Variants in FMNL2 observed in about 807,000 individuals in gnomAD.
FMNL2 encodes formin like 2, also known as formin-like protein 2.
A neutral mutation model predicts 130.2 loss-of-function variants in FMNL2; 51 were observed. The observed-to-expected ratio is 0.39, with a 90% CI of 0.31 to 0.49. FMNL2 has a LOEUF of 0.49. Among genes scored for constraint, FMNL2 ranks in the 20% least tolerant of loss-of-function variants. The pLI is 0.85. For synonymous variants in FMNL2, 465 were observed against 467.1 expected, an observed-to-expected ratio of 1.00 and a Z score of 0.06; for missense variants, 977 against 1,316.2, an observed-to-expected ratio of 0.74 and a Z score of 3.99.
At chr2:152,615,114 A>G in intron 12 of FMNL2, 114 bp downstream of exon 12, 1 of 1,122,152 alleles carries the variant, frequency 8.9e-7, no homozygotes, top group Non-Finnish European at 1.3e-6. Context: ...GGAATAGGCC[A>G]TACCCTGCAA....
chr2:152,612,816 C>G (rs1698754388), intron 11 of FMNL2, among the ~76,000 whole-genome samples: 1 of 151,850 alleles, frequency 6.6e-6, no homozygotes, highest in African/African-American at 2.4e-5. Context: ...ACCATGTTGG[C>G]TAGGCTAGTC....
intron 1 of FMNL2, among the ~76,000 whole-genome samples, chr2:152,450,724 C>T (rs1298369229): frequency 6.6e-6 from 1 of 152,210 alleles, no homozygotes; most frequent in Non-Finnish European, 1.5e-5. Flanking sequence ...CTCCTGCTGT[C>T]TGACCTCCCA....
intron 1 of FMNL2, among the ~76,000 whole-genome samples, chr2:152,377,865 C>T (rs1027898857): frequency 2.1e-4 from 32 of 152,126 alleles, no homozygotes; most frequent in African/African-American, 7.0e-4. Flanking sequence ...GGTGTGGTGG[C>T]TTACGCCTGT....
chr2:152,429,636 A>G (rs527961070), intron 1 of FMNL2, among the ~76,000 whole-genome samples: 3 of 150,508 alleles, frequency 2.0e-5, no homozygotes, highest in African/African-American at 7.3e-5. Context: ...TTTCCCTTCT[A>G]AGACTTCTGT....
chr2:152,527,493 A>G (rs1194831239), intron 2 of FMNL2, among the ~76,000 whole-genome samples: 1 of 152,200 alleles, frequency 6.6e-6, no homozygotes, highest in Non-Finnish European at 1.5e-5. Context: ...CTATTAATAC[A>G]GTAAACTAGT....
Position 152,335,427 on chromosome 2 carries a change from T to C in FMNL2, c.-177T>C, listed in dbSNP as rs1681340983. 6.1e-6 allele frequency: 2 copies of C among 327,428 alleles called. No individual in the cohort carries two copies. Among genetic ancestry groups the C allele is most frequent in the South Asian group, 2.5e-4 (2 of 7,944 alleles). 20.3% of individuals were successfully genotyped at this position (327,428 alleles called of 1,614,324 possible). A position where few individuals can be genotyped will look rare whatever the true frequency, so the allele number is the denominator to read the frequency against. On this transcript the variant is annotated 5_prime_UTR_variant, in exon 1 of 26. Transcript: ENST00000288670. ...AGCATGAGGGAGGCCGGGGGGCGGC[T>C]CGGCTTGGAGCGCTGCTAGGGAGCG... is the stretch of plus-strand genomic sequence containing the variant.
At chr2:152,423,378 G>A (rs1391823571) in intron 1 of FMNL2, among the ~76,000 whole-genome samples, 2 of 152,204 alleles carry the variant, frequency 1.3e-5, no homozygotes, top group Non-Finnish European at 2.9e-5. Flanking sequence ...AGATTGGCCA[G>A]TGTCACAGAG....
At chr2:152,475,633 T>C (rs2105203809) in intron 1 of FMNL2, among the ~76,000 whole-genome samples, 1 of 152,128 alleles carries the variant, frequency 6.6e-6, no homozygotes, top group Non-Finnish European at 1.5e-5. Context: ...TCGCTGGGAT[T>C]GCAGGTGCAC....
At chr2:152,360,276 A>C (rs1336657109) in intron 1 of FMNL2, among the ~76,000 whole-genome samples, 1 of 152,060 alleles carries the variant, frequency 6.6e-6, no homozygotes, top group African/African-American at 2.4e-5. Context: ...ATTTTTTAGA[A>C]TCAGTTGCTT....
chr2:152,457,898 C>A (rs563696922), intron 1 of FMNL2, among the ~76,000 whole-genome samples: 1 of 152,124 alleles, frequency 6.6e-6, no homozygotes, highest in Non-Finnish European at 1.5e-5. Flanking sequence ...CAAATAATGT[C>A]AGGGCAAGAC....
chr2:152,375,883 A>C lies in FMNL2; in HGVS notation c.117+40163A>C, dbSNP rs370937877. 9.0e-3 allele frequency among the ~76,000 whole-genome samples: 885 copies of C among 97,868 alleles called. 4 individuals carry two copies. Among genetic ancestry groups the C allele is most frequent in the South Asian group, 0.02 (55 of 2,706 alleles). 64.2% of individuals were successfully genotyped at this position (97,868 alleles called of 152,430 possible). A position where few individuals can be genotyped will look rare whatever the true frequency, so the allele number is the denominator to read the frequency against. ...TCTCTCTCTCTCTCTCTCTCTATAT[A>C]TATATATATATATAATTATTATTAT... On this transcript the variant is annotated intron_variant, in intron 1 of 25. Coordinates refer to ENST00000288670, the MANE Select transcript of FMNL2 (RefSeq NM_052905.4).
At position 152,389,967 on chromosome 2, in the gene FMNL2, G is replaced by C. The variant is rs578185238; in HGVS notation, c.117+54247G>C. 2.8e-5 allele frequency: 38 copies of C among 1,373,026 alleles called. 1 individual carries two copies. In the Admixed American group the frequency reaches 4.2e-4, roughly 15 times the overall value. 85.1% of individuals were successfully genotyped at this position (1,373,026 alleles called of 1,614,324 possible). On this transcript the variant is annotated intron_variant, in intron 1 of 25. Transcript: ENST00000288670. The stretch of plus-strand genomic sequence containing the variant: ...CCAAGTCAGAGACCTCGGGGCCCCA[G>C]ATAAAGGCAGACAGGCAGAGAGGCT...
intron 9 of FMNL2, among the ~76,000 whole-genome samples, chr2:152,593,228 ACC>A (rs1219377793): frequency 6.6e-6 from 1 of 152,028 alleles, no homozygotes; most frequent in Admixed American, 6.6e-5. Context: ...GAGACTGGAA[ACC>A]TGTGATTAAA....
chr2:152,500,539 A>G (rs1579820034), intron 1 of FMNL2, among the ~76,000 whole-genome samples: 1 of 152,126 alleles, frequency 6.6e-6, no homozygotes, highest in Non-Finnish European at 1.5e-5. Context: ...ATATCCCAGT[A>G]TCCTAACAAT....
intron 9 of FMNL2, among the ~76,000 whole-genome samples, chr2:152,601,916 T>G (rs894819030): frequency 1.3e-5 from 2 of 151,478 alleles, no homozygotes; most frequent in Admixed American, 1.3e-4. Context: ...GTGATCCACC[T>G]GTCTCGGCCT....
intron 1 of FMNL2, among the ~76,000 whole-genome samples, chr2:152,519,126 G>A (rs767410978): frequency 2.4e-4 from 37 of 151,950 alleles, no homozygotes; most frequent in Non-Finnish European, 4.9e-4. Context: ...GCTTTCGTCC[G>A]CCCTCTGCCT....
In FMNL2 at chr2:152,335,580, C is replaced by G. The variant is rs202079133; in HGVS notation, c.-24C>G. 1.1e-5 allele frequency: 18 copies of G among 1,568,202 alleles called. 1 individual carries two copies. In the Admixed American group the frequency reaches 3.0e-4, roughly 26 times the overall value. On this transcript the variant is annotated 5_prime_UTR_variant, in exon 1 of 26. Coordinates refer to ENST00000288670, the MANE Select transcript of FMNL2 (RefSeq NM_052905.4). ...GCGCACGCTAGGGGCCCGGAGCAGCCCCCGGCCCCGGCGCGCCGCCGACAT... is the reference window on the plus strand; with the variant it reads ...GCGCACGCTAGGGGCCCGGAGCAGCGCCCGGCCCCGGCGCGCCGCCGACAT...
intron 21 of FMNL2, 90 bp downstream of exon 21, chr2:152,632,227 C>A: frequency 6.6e-7 from 1 of 1,510,758 alleles, no homozygotes; most frequent in Admixed American, 2.1e-5. Context: ...CTTTTCAGAA[C>A]CCATTTAAAA....
intron 1 of FMNL2, among the ~76,000 whole-genome samples, chr2:152,425,249 T>C (rs1296133135): frequency 6.6e-6 from 1 of 152,182 alleles, no homozygotes; most frequent in East Asian, 1.9e-4. Flanking sequence ...TAGACGGGTC[T>C]ATGAGATCTT....
Sources: allele counts gnomAD v4.1 joint callset (sites outside exome capture counted in the v4.1 genomes callset), GRCh38; gene constraint gnomAD v4.1.1; transcripts MANE v1.5; gene names NCBI Gene and HGNC (gene_info 2026-07-23, HGNC 2026-07-21).